CYB5R4: variants seen among roughly 807,000 people sequenced by gnomAD.
CYB5R4 encodes N-terminal cytochrome b5 and cytochrome b5 oxidoreductase domain-containing protein.
A neutral mutation model predicts 70.2 loss-of-function variants in CYB5R4; 55 were observed. The observed-to-expected ratio is 0.78, with a 90% CI of 0.63 to 0.98. CYB5R4 has a LOEUF of 0.98. Ranked by LOEUF, CYB5R4 falls within the 50% of genes least tolerant of loss-of-function variation. The pLI, the probability that CYB5R4 is intolerant of heterozygous loss-of-function variation, is 0.00. For synonymous variants in CYB5R4, 197 were observed against 199.5 expected (o/e 0.99, Z 0.11); for missense variants, 562 against 612.6 (o/e 0.92, Z 0.87).
At chr6:83,909,432 T>G (rs921455120) in intron 4 of CYB5R4, among the ~76,000 whole-genome samples, 21 of 152,168 alleles carry the variant, frequency 1.4e-4, no homozygotes, top group African/African-American at 5.1e-4. Context: ...AAATTTTCCC[T>G]CCCAGCTTTT....
At chr6:83,918,094 G>T (rs749241943) in intron 6 of CYB5R4, 29 bp downstream of exon 6, 8 of 1,539,276 alleles carry the variant, frequency 5.2e-6, no homozygotes, top group Non-Finnish European at 7.2e-6. Flanking sequence ...AATTTTTAAA[G>T]TTAAATCAAT....
At position 83,961,965 on chromosome 6, in the gene CYB5R4, A is replaced by G. The variant is rs1431938546; in HGVS notation, c.*2087A>G. ...TATATTTTGTTTATATTTTAAAACA[A>G]ATCCATAAGTGTCTCCTGGGTAATC... On this transcript the variant is annotated 3_prime_UTR_variant, in exon 16 of 16. Coordinates refer to ENST00000369681, the MANE Select transcript of CYB5R4 (RefSeq NM_016230.4). 5 of 152,018 alleles carry G rather than the reference A, an allele frequency of 3.3e-5. No homozygotes were observed. The highest frequency in any genetic ancestry group is 7.4e-5 in the Non-Finnish European group (5 of 67,994). 9.4% of individuals were successfully genotyped at this position (152,018 alleles called of 1,614,324 possible). A position where few individuals can be genotyped will look rare whatever the true frequency, so the allele number is the denominator to read the frequency against.
At chr6:83,947,441 A>G (rs1371648808) in intron 14 of CYB5R4, among the ~76,000 whole-genome samples, 2 of 152,224 alleles carry the variant, frequency 1.3e-5, no homozygotes, top group Non-Finnish European at 2.9e-5. Context: ...CTAAAACCAT[A>G]AAAACCCTAG....
At chr6:83,932,623 C>T (rs1356022301) in intron 10 of CYB5R4, among the ~76,000 whole-genome samples, 5 of 151,998 alleles carry the variant, frequency 3.3e-5, no homozygotes, top group Non-Finnish European at 5.9e-5. Context: ...TGCAAGGCCA[C>T]GAAGTATCCA....
chr6:83,864,877 T>C (rs2099456501), intron 2 of CYB5R4, among the ~76,000 whole-genome samples: 1 of 152,058 alleles, frequency 6.6e-6, no homozygotes, highest in African/African-American at 2.4e-5. Context: ...TTGGAGGAGG[T>C]GAGCAGGCAG....
chr6:83,879,133 T>A (rs2099459055), intron 2 of CYB5R4, among the ~76,000 whole-genome samples: 1 of 151,914 alleles, frequency 6.6e-6, no homozygotes, highest in Admixed American at 6.6e-5. Context: ...TTCTCATTGC[T>A]TTTGTACTTC....
In CYB5R4 at chr6:83,947,890, G is replaced by A. The variant is rs143920977; in HGVS notation, c.1346+7289G>A. On this transcript the variant is annotated intron_variant, in intron 14 of 15. Transcript: ENST00000369681. Reference sequence around the variant, plus strand: ...GGAAACAACATGCTGGAGAGGGTGTGGAGAAATAGGAACACTTTTACACTG... The same window carrying A: ...GGAAACAACATGCTGGAGAGGGTGTAGAGAAATAGGAACACTTTTACACTG... 7.6e-3 allele frequency among the ~76,000 whole-genome samples: 1,160 copies of A among 152,274 alleles called. 14 individuals carry two copies. Among genetic ancestry groups the A allele is most frequent in the African/African-American group, 0.026 (1,090 of 41,556 alleles).
chr6:83,945,142 G>A lies in CYB5R4; in HGVS notation c.1346+4541G>A, dbSNP rs1034350466. Reference sequence around the variant, plus strand: ...TATACATTCTTCACAGCACCACATAGCACTTATTCTAAAATCGACCACATA... The same window carrying A: ...TATACATTCTTCACAGCACCACATAACACTTATTCTAAAATCGACCACATA... On this transcript the variant is annotated intron_variant, in intron 14 of 15. Transcript: ENST00000369681. Among the ~76,000 whole-genome samples, 4 of 152,058 alleles carry A rather than the reference G, an allele frequency of 2.6e-5. No homozygotes were observed. In the South Asian group the frequency reaches 8.3e-4, roughly 31 times the overall value.
At chr6:83,946,460 TATC>T (rs778314053) in intron 14 of CYB5R4, among the ~76,000 whole-genome samples, 10 of 152,206 alleles carry the variant, frequency 6.6e-5, no homozygotes, top group Non-Finnish European at 1.5e-4. Flanking sequence ...CCACATCTGA[TATC>T]ATGCTGAATG....
intron 8 of CYB5R4, 61 bp downstream of exon 8, chr6:83,921,236 T>C: frequency 7.4e-7 from 1 of 1,351,330 alleles, no homozygotes; most frequent in Non-Finnish European, 9.9e-7. Flanking sequence ...TGGCAATAAC[T>C]TGGTCTACAG....
chr6:83,907,361 T>C (rs2099463960), intron 3 of CYB5R4, among the ~76,000 whole-genome samples: 1 of 152,242 alleles, frequency 6.6e-6, no homozygotes, highest in Non-Finnish European at 1.5e-5. Context: ...TTCTTTTCCT[T>C]GAAGCAGTAG....
intron 2 of CYB5R4, among the ~76,000 whole-genome samples, chr6:83,881,218 A>G (rs2099459385): frequency 6.6e-6 from 1 of 151,152 alleles, no homozygotes; most frequent in Non-Finnish European, 1.5e-5. Context: ...TCTGTTACCC[A>G]GGCTGGAGTG....
intron 3 of CYB5R4, among the ~76,000 whole-genome samples, chr6:83,904,312 A>G (rs902693683): frequency 3.3e-5 from 5 of 152,094 alleles, no homozygotes; most frequent in Non-Finnish European, 7.4e-5. Flanking sequence ...GTGATTCAGG[A>G]GCATGTTGTT....
At chr6:83,940,642 C>T in intron 14 of CYB5R4, 41 bp downstream of exon 14, 2 of 1,571,286 alleles carry the variant, frequency 1.3e-6, no homozygotes, top group Non-Finnish European at 1.7e-6. Flanking sequence ...TTATTTATAC[C>T]TGGGTAGTAA....
At chr6:83,959,442 A>C (rs968864414) in intron 15 of CYB5R4, among the ~76,000 whole-genome samples, 1 of 152,218 alleles carries the variant, frequency 6.6e-6, no homozygotes, top group African/African-American at 2.4e-5. Flanking sequence ...AGACTCAACA[A>C]ATAAAAATCT....
chr6:83,861,756 A>G (rs2099455973), intron 1 of CYB5R4, among the ~76,000 whole-genome samples: 1 of 152,238 alleles, frequency 6.6e-6, no homozygotes, highest in Non-Finnish European at 1.5e-5. Flanking sequence ...GAACTGGAAT[A>G]GTTGGGTAAA....
At chr6:83,939,992 C>A in intron 12 of CYB5R4, 64 bp from the exon 13 acceptor site, 1 of 1,260,488 alleles carries the variant, frequency 7.9e-7, no homozygotes, top group Non-Finnish European at 1.1e-6. Context: ...AGTTTCCCCG[C>A]TGGGTTTTTT....
In CYB5R4 at chr6:83,929,675, A is replaced by G. The variant is rs372355744; in HGVS notation, c.815-4920A>G. Among the ~76,000 whole-genome samples, 19 of 152,130 alleles carry G rather than the reference A, an allele frequency of 1.2e-4. No individual in the cohort carries two copies. The East Asian group carries it at 1.5e-3, about 12-fold the overall frequency. ...AAAGCTATAGAGAAAGAGATGGCTGAGGAACTTCTCTATTAGGGTTCAGAA... is the reference window on the plus strand; with the variant it reads ...AAAGCTATAGAGAAAGAGATGGCTGGGGAACTTCTCTATTAGGGTTCAGAA... On this transcript the variant is annotated intron_variant, in intron 10 of 15. Coordinates refer to ENST00000369681, the MANE Select transcript of CYB5R4 (RefSeq NM_016230.4).
At chr6:83,910,137 C>G in intron 4 of CYB5R4, 1 of 1,610,038 alleles carries the variant, frequency 6.2e-7, no homozygotes, top group Non-Finnish European at 8.5e-7. Context: ...TGAGACATTA[C>G]TTTCAAAGAT....
Sources: gnomAD v4.1 joint callset for allele counts (sites outside exome capture counted in the v4.1 genomes callset) on GRCh38, gnomAD v4.1.1 for gene constraint, MANE v1.5 for transcripts, NCBI Gene and HGNC (gene_info 2026-07-23, HGNC 2026-07-21) for gene names.